FMN2: variants seen among roughly 807,000 people sequenced by gnomAD.
The protein encoded by FMN2 is formin-2.
A neutral mutation model predicts 142.3 loss-of-function variants in FMN2; 51 were observed. The ratio of observed to expected loss-of-function variants is 0.36; its 90% CI spans 0.29 to 0.45. The LOEUF (loss-of-function observed/expected upper bound fraction) is 0.45, where lower values mean the gene tolerates loss of function less well. FMN2 is among the 20% of genes least tolerant of loss of function. The pLI is 1.00. For synonymous variants in FMN2, 882 were observed against 869.8 expected (o/e 1.01, Z -0.25); for missense variants, 1,936 against 2,122.8 (o/e 0.91, Z 1.73).
At chr1:240,382,833 C>T (rs1673276773) in intron 14 of FMN2, among the ~76,000 whole-genome samples, 1 of 151,146 alleles carries the variant, frequency 6.6e-6, no homozygotes, top group South Asian at 2.1e-4. Context: ...GAAAAAAAAA[C>T]AGGCATCACG....
At chr1:240,268,574 T>C (rs1668890687) in intron 7 of FMN2, among the ~76,000 whole-genome samples, 1 of 152,160 alleles carries the variant, frequency 6.6e-6, no homozygotes, top group East Asian at 1.9e-4. Context: ...TTTAGCTTTG[T>C]TGGGGAAATG....
chr1:240,218,700 A>G (rs1393895277), intron 6 of FMN2, among the ~76,000 whole-genome samples: 1 of 152,086 alleles, frequency 6.6e-6, no homozygotes, highest in Non-Finnish European at 1.5e-5. Context: ...GAACACTTTC[A>G]CTGTTGCCCC....
At chr1:240,364,721 A>T (rs1672604419) in intron 14 of FMN2, among the ~76,000 whole-genome samples, 2 of 152,238 alleles carry the variant, frequency 1.3e-5, no homozygotes, top group South Asian at 4.2e-4. Flanking sequence ...TTCCAGTCGG[A>T]TGCTCCCACT....
chr1:240,419,134 TAAA>T (rs1674680249), intron 15 of FMN2, among the ~76,000 whole-genome samples: 1 of 152,226 alleles, frequency 6.6e-6, no homozygotes, highest in African/African-American at 2.4e-5. Flanking sequence ...TAAATATAAA[TAAA>T]AAGACTTACA....
At chr1:240,245,269 GGACT>G (rs1668039306) in intron 6 of FMN2, 2 of 320,208 alleles carry the variant, frequency 6.2e-6, no homozygotes, top group South Asian at 5.0e-5. Flanking sequence ...TGTTAAAAGG[GGACT>G]GACAGGATGA....
chr1:240,330,336 G>C (rs6689742), intron 10 of FMN2, among the ~76,000 whole-genome samples: 152,229 of 152,306 alleles, frequency 1, 76,076 homozygotes, highest in Middle Eastern at 1. Flanking sequence ...TCTCACACAG[G>C]CTTGTTTTCC....
chr1:240,206,617 G>A (rs976726732), intron 4 of FMN2, among the ~76,000 whole-genome samples, 182 bp from the exon 5 acceptor site: 6 of 152,144 alleles, frequency 3.9e-5, no homozygotes, highest in Non-Finnish European at 8.8e-5. Flanking sequence ...AGTCACGTGT[G>A]TTAACCACTT....
intron 14 of FMN2, among the ~76,000 whole-genome samples, chr1:240,378,970 G>A (rs773922903): frequency 3.3e-5 from 5 of 152,136 alleles, no homozygotes; most frequent in South Asian, 2.1e-4. Flanking sequence ...ATGTGATTGC[G>A]CTTTCCTGAT....
chr1:240,092,928 G>T lies in FMN2; in HGVS notation c.819G>T (p.Leu273=), dbSNP rs1572737636. 1.9e-5 allele frequency: 28 copies of T among 1,470,870 alleles called. No individual in the cohort carries two copies. Among genetic ancestry groups the T allele is most frequent in the Non-Finnish European group, 2.5e-5 (28 of 1,119,112 alleles). The allele number at this position is 1,470,870 out of a possible 1,614,324, so 91.1% of individuals were successfully genotyped here. A position where few individuals can be genotyped will look rare whatever the true frequency, so the allele number is the denominator to read the frequency against. The change falls in exon 1 of 18, where the codon CTG becomes CTT. Residue 273 remains leucine (L), a synonymous_variant. Coordinates refer to ENST00000319653, the MANE Select transcript of FMN2 (RefSeq NM_020066.5). ...GCAGTCCGGACACCGAGCAGGCGCTGTCCGCGCTCTCCGACCTGCCCGAGA... is the reference window on the plus strand; with the variant it reads ...GCAGTCCGGACACCGAGCAGGCGCTTTCCGCGCTCTCCGACCTGCCCGAGA... ...APGSPDTEQA[L]SALSDLPESL...
rs141957247 is a variant in FMN2 at position 240,114,619 on chromosome 1, G to A, written c.1616-8560G>A. Among the ~76,000 whole-genome samples, 530 of 151,624 alleles carry A rather than the reference G, an allele frequency of 3.5e-3. 5 individuals are homozygous for A. Among genetic ancestry groups the A allele is most frequent in the African/African-American group, 0.012 (498 of 41,364 alleles). On this transcript the variant is annotated intron_variant, in intron 1 of 17. Transcript: ENST00000319653. The stretch of plus-strand genomic sequence containing the variant: ...TTTAAGTGAACCCATTATTTCATTA[G>A]GGATTGCAAAATGGTGATTTTCTAA...
intron 13 of FMN2, among the ~76,000 whole-genome samples, chr1:240,346,158 C>T (rs1479202067): frequency 6.6e-6 from 1 of 151,742 alleles, no homozygotes; most frequent in Admixed American, 6.6e-5. Flanking sequence ...GGAGTAAGAC[C>T]CCCAATGAAT....
In FMN2 at chr1:240,189,482, A is replaced by G. The variant is rs573331879; in HGVS notation, c.1986+1220A>G. Reference sequence around the variant, plus strand: ...TCTCTGTAAAATTAAATTATTGCTGATCTCTGATAACTCATCAAATAAAGT... The same window carrying G: ...TCTCTGTAAAATTAAATTATTGCTGGTCTCTGATAACTCATCAAATAAAGT... On this transcript the variant is annotated intron_variant, in intron 4 of 17. Transcript: ENST00000319653. Among the ~76,000 whole-genome samples, 215 of 152,312 alleles carry G rather than the reference A, an allele frequency of 1.4e-3. 1 individual carries two copies. The highest frequency in any genetic ancestry group is 5.1e-3 in the African/African-American group (213 of 41,572).
chr1:240,144,370 C>A, intron 2 of FMN2: 1 of 1,607,208 alleles, frequency 6.2e-7, no homozygotes, highest in East Asian at 2.2e-5. Context: ...TGATGTCCAG[C>A]TCCCGAGCTA....
At chr1:240,241,976 A>G (rs1048189266) in intron 6 of FMN2, among the ~76,000 whole-genome samples, 19 of 151,366 alleles carry the variant, frequency 1.3e-4, no homozygotes, top group South Asian at 4.2e-4. Context: ...CTCCCGAGTA[A>G]CTGGGACTAC....
At chr1:240,320,718 GA>G (rs1426880158) in intron 8 of FMN2, among the ~76,000 whole-genome samples, 1 of 152,142 alleles carries the variant, frequency 6.6e-6, no homozygotes, top group Non-Finnish European at 1.5e-5. Context: ...AGGTTTTACC[GA>G]ACATTAGTTC....
intron 8 of FMN2, among the ~76,000 whole-genome samples, chr1:240,298,730 C>T (rs534121502): frequency 6.6e-6 from 1 of 152,208 alleles, no homozygotes; most frequent in South Asian, 2.1e-4. Context: ...AATTTCATCA[C>T]CAAACCATCC....
intron 2 of FMN2, among the ~76,000 whole-genome samples, chr1:240,159,955 A>C (rs1164496330): frequency 1.5e-5 from 2 of 130,576 alleles, no homozygotes; most frequent in Non-Finnish European, 3.2e-5. Context: ...ATATATCTAT[A>C]TCTGTGTATA....
chr1:240,302,326 A>T (rs567903746), intron 8 of FMN2, among the ~76,000 whole-genome samples: 1 of 152,054 alleles, frequency 6.6e-6, no homozygotes, highest in East Asian at 1.9e-4. Context: ...AGAAAAAGAA[A>T]TTTGCAATAC....
At chr1:240,434,207 G>T (rs532541094) in intron 15 of FMN2, among the ~76,000 whole-genome samples, 19 of 152,088 alleles carry the variant, frequency 1.2e-4, no homozygotes, top group Non-Finnish European at 2.2e-4. Flanking sequence ...CATGTGCCAG[G>T]GTCATTTCGA....
Sources: gnomAD v4.1 joint callset for allele counts (sites outside exome capture counted in the v4.1 genomes callset) on GRCh38, gnomAD v4.1.1 for gene constraint, MANE v1.5 for transcripts, NCBI Gene and HGNC (gene_info 2026-07-23, HGNC 2026-07-21) for gene names.